The following DRC1 variants were observed in gnomAD, a reference collection of about 807,000 sequenced individuals.
DRC1 encodes the protein dynein regulatory complex protein 1.
A neutral mutation model predicts 98.7 loss-of-function variants in DRC1; 74 were observed. The observed-to-expected ratio is 0.75, with a 90% confidence interval of 0.62 to 0.91. The LOEUF (loss-of-function observed/expected upper bound fraction) is 0.91. Among genes scored for constraint, DRC1 ranks in the 40% least tolerant of loss-of-function variants. DRC1 has a pLI of 0.00. For synonymous variants in DRC1, 336 were observed against 334.1 expected (o/e 1.01, Z -0.06); for missense variants, 875 against 886.0 (o/e 0.99, Z 0.16).
At chr2:26,430,458 C>T (rs1558444365) in intron 5 of DRC1, 1 of 489,568 alleles carries the variant, frequency 2.0e-6, no homozygotes, top group Non-Finnish European at 4.2e-6. Context: ...GTGGTAGTCA[C>T]AGTTGAATTA....
At chr2:26,422,359 A>G (rs1663169161) in intron 3 of DRC1, among the ~76,000 whole-genome samples, 1 of 152,208 alleles carries the variant, frequency 6.6e-6, no homozygotes, top group African/African-American at 2.4e-5. Context: ...TGGCAGCATT[A>G]TTAAAGAATA....
intron 2 of DRC1, 148 bp downstream of exon 2, chr2:26,414,579 C>A: frequency 1.5e-6 from 1 of 662,782 alleles, no homozygotes; most frequent in South Asian, 2.3e-5. Flanking sequence ...TGAGAGCTCT[C>A]TAGGAGTGAG....
chr2:26,433,112 TGAA>T (rs1362160037), intron 7 of DRC1, among the ~76,000 whole-genome samples: 4 of 152,230 alleles, frequency 2.6e-5, no homozygotes, highest in Non-Finnish European at 5.9e-5. Context: ...TCTTTGGTAT[TGAA>T]GAAGGATTCC....
At chr2:26,449,830 A>G (rs1028229751) in intron 11 of DRC1, among the ~76,000 whole-genome samples, 166 bp from the exon 12 acceptor site, 1 of 151,954 alleles carries the variant, frequency 6.6e-6, no homozygotes, top group African/African-American at 2.4e-5. Context: ...GGGGGCGTTC[A>G]TGGGCACCCC....
chr2:26,453,630 AGT>A, intron 14 of DRC1, 81 bp downstream of exon 14: 1 of 1,376,080 alleles, frequency 7.3e-7, no homozygotes, highest in Non-Finnish European at 1.0e-6. Context: ...AGAGCCAGTG[AGT>A]GGAGAAGAGT....
At chr2:26,430,212 A>G (rs1432070689) in intron 5 of DRC1, among the ~76,000 whole-genome samples, 3 of 152,224 alleles carry the variant, frequency 2.0e-5, no homozygotes, top group Admixed American at 6.5e-5. Context: ...TGGGGCAGAC[A>G]GTGGCAAAGG....
At chr2:26,443,037 G>A (rs1313521797) in intron 8 of DRC1, among the ~76,000 whole-genome samples, 1 of 152,208 alleles carries the variant, frequency 6.6e-6, no homozygotes, top group Non-Finnish European at 1.5e-5. Context: ...CTTGAAGGCT[G>A]TAGTTAAGGA....
At chr2:26,405,804 G>A (rs1678404490) in intron 1 of DRC1, among the ~76,000 whole-genome samples, 1 of 151,978 alleles carries the variant, frequency 6.6e-6, no homozygotes, top group Non-Finnish European at 1.5e-5. Context: ...GGGATTACAG[G>A]CAGCTGCCAC....
chr2:26,438,623 T>C (rs1327170492), intron 7 of DRC1, among the ~76,000 whole-genome samples: 1 of 152,180 alleles, frequency 6.6e-6, no homozygotes, highest in African/African-American at 2.4e-5. Flanking sequence ...TAATTCCCTC[T>C]GTGGCAATGT....
chr2:26,431,897 A>G lies in DRC1; in HGVS notation c.779A>G (p.Asn260Ser), dbSNP rs755166536. The change falls in exon 7 of 17, where the codon AAC (asparagine) becomes AGC (serine). Residue 260 changes from asparagine to serine, a missense_variant. By Grantham distance (46) the Asn-to-Ser change is conservative (BLOSUM62 1). Transcript: ENST00000288710. ...CTGTGCCTTTAGCTGGAGTATCTTA[A>G]CAACCGCATGAAGAAAGTAGAGGAC... Reference protein sequence around the residue: ...AHNAKELEYLNNRMKKVEDYE... With the variant: ...AHNAKELEYLSNRMKKVEDYE... 6.2e-7 allele frequency: 1 copy of G among 1,613,962 alleles called. No individual in the cohort carries two copies.
At chr2:26,426,784 T>C (rs1663296675) in intron 4 of DRC1, among the ~76,000 whole-genome samples, 1 of 152,146 alleles carries the variant, frequency 6.6e-6, no homozygotes, top group Non-Finnish European at 1.5e-5. Flanking sequence ...AGGATGGTTT[T>C]CCTATTTCCA....
chr2:26,453,477 C>G lies in DRC1; in HGVS notation c.1847C>G (p.Ser616Cys), dbSNP rs377023666. The G allele has an allele frequency of 1.9e-6, 3 of 1,614,128 alleles. No individual in the cohort carries two copies. In the South Asian group the frequency reaches 3.3e-5, roughly 18 times the overall value. ...EKEEEEETPPSPWVIHPNDVL... is the reference protein window; with the variant it reads ...EKEEEEETPPCPWVIHPNDVL... ...GAGGAAGAGGAGGAGACCCCACCCTCCCCCTGGGTCATCCACCCCAATGAT... is the reference window on the plus strand; with the variant it reads ...GAGGAAGAGGAGGAGACCCCACCCTGCCCCTGGGTCATCCACCCCAATGAT... The change falls in exon 14 of 17, where the codon TCC (serine) becomes TGC (cysteine). Residue 616 changes from serine to cysteine, a missense_variant. Ser to Cys is a moderately radical substitution (Grantham distance 112, BLOSUM62 -1). Transcript: ENST00000288710.
At chr2:26,427,523 G>A (rs1399037089) in intron 4 of DRC1, among the ~76,000 whole-genome samples, 2 of 151,982 alleles carry the variant, frequency 1.3e-5, no homozygotes, top group East Asian at 3.8e-4. Context: ...TCACATTGGG[G>A]TAAATGGGGT....
intron 1 of DRC1, among the ~76,000 whole-genome samples, chr2:26,407,992 T>C (rs1678479678): frequency 1.3e-5 from 2 of 152,206 alleles, no homozygotes; most frequent in African/African-American, 4.8e-5. Context: ...CCTCCTCACC[T>C]AGCAGAAATA....
intron 3 of DRC1, among the ~76,000 whole-genome samples, chr2:26,423,137 G>A (rs1478463912): frequency 6.6e-6 from 1 of 152,154 alleles, no homozygotes; most frequent in Non-Finnish European, 1.5e-5. Flanking sequence ...ATTCCCAGCA[G>A]GGTCAGCTTG....
At chr2:26,430,896 G>C in intron 6 of DRC1, 24 bp downstream of exon 6, 1 of 1,598,846 alleles carries the variant, frequency 6.3e-7, no homozygotes, top group Non-Finnish European at 8.5e-7. Context: ...CCTGTCAAGA[G>C]TGATCCGTGG....
intron 1 of DRC1, among the ~76,000 whole-genome samples, chr2:26,409,656 C>A (rs932222927): frequency 5.3e-5 from 8 of 152,120 alleles, no homozygotes; most frequent in African/African-American, 1.9e-4. Context: ...ACACATTCAG[C>A]AACAACTAGA....
chr2:26,405,463 G>C (rs1678386053), intron 1 of DRC1, among the ~76,000 whole-genome samples: 1 of 152,016 alleles, frequency 6.6e-6, no homozygotes, highest in Non-Finnish European at 1.5e-5. Flanking sequence ...ATTTTGAAAA[G>C]AATCCTAACG....
intron 7 of DRC1, among the ~76,000 whole-genome samples, chr2:26,433,077 T>C (rs1663476962): frequency 6.6e-6 from 1 of 152,228 alleles, no homozygotes; most frequent in Non-Finnish European, 1.5e-5. Flanking sequence ...TCTCAAAATA[T>C]GCAAAGGCTG....
Sources: allele counts gnomAD v4.1 joint callset (sites outside exome capture counted in the v4.1 genomes callset), GRCh38; gene constraint gnomAD v4.1.1; transcripts MANE v1.5; gene names NCBI Gene and HGNC (gene_info 2026-07-23, HGNC 2026-07-21).